The following VAV3 variants were observed in gnomAD, a reference collection of about 807,000 sequenced individuals.
The protein encoded by VAV3 is vav guanine nucleotide exchange factor 3, also known as guanine nucleotide exchange factor VAV3.
A neutral mutation model predicts 131.2 loss-of-function variants in VAV3; 94 were observed. The observed-to-expected ratio is 0.72, with a 90% confidence interval of 0.61 to 0.85. The LOEUF (loss-of-function observed/expected upper bound fraction) is 0.85, where lower values mean the gene tolerates loss of function less well. Ranked by LOEUF, VAV3 falls within the 40% of genes least tolerant of loss-of-function variation. The pLI is 0.00. For missense variants in VAV3, 939 were observed against 1,002.7 expected (o/e 0.94, Z 0.86); for synonymous variants, 349 against 342.0 (o/e 1.02, Z -0.22).
chr1:107,650,616 A>G (rs955846849), intron 19 of VAV3, among the ~76,000 whole-genome samples: 1 of 150,952 alleles, frequency 6.6e-6, no homozygotes, highest in Admixed American at 6.6e-5. Context: ...TGTGCAGGTT[A>G]GTTACATATG....
chr1:107,681,804 C>T (rs1316227263), intron 19 of VAV3, among the ~76,000 whole-genome samples: 1 of 152,032 alleles, frequency 6.6e-6, no homozygotes, highest in Non-Finnish European at 1.5e-5. Flanking sequence ...CAGGCACCCG[C>T]CACCACCCCC....
intron 19 of VAV3, among the ~76,000 whole-genome samples, chr1:107,654,615 T>C (rs147313429): frequency 8.5e-4 from 129 of 152,192 alleles, no homozygotes; most frequent in African/African-American, 3.0e-3. Context: ...TCCTTCCTTT[T>C]TCCCTCACTT....
At chr1:107,930,595 G>T (rs555601927) in intron 1 of VAV3, among the ~76,000 whole-genome samples, 33 of 152,006 alleles carry the variant, frequency 2.2e-4, no homozygotes, top group Non-Finnish European at 3.7e-4. Flanking sequence ...CTTTACAAAA[G>T]AATTCCAGTC....
At chr1:107,920,097 C>G (rs1455138609) in intron 1 of VAV3, among the ~76,000 whole-genome samples, 2 of 152,170 alleles carry the variant, frequency 1.3e-5, no homozygotes, top group Admixed American at 1.3e-4. Context: ...TTCAACCACA[C>G]AGGAAACAGT....
rs558440664 is a variant in VAV3 at position 107,602,340 on chromosome 1, C to T, written c.2220+57G>A. 1.6e-5 allele frequency: 20 copies of T among 1,270,438 alleles called. No individual in the cohort carries two copies. The South Asian group carries it at 2.8e-4, about 18-fold the overall frequency. The allele number at this position is 1,270,438 out of a possible 1,614,324, so 78.7% of individuals were successfully genotyped here. A position where few individuals can be genotyped will look rare whatever the true frequency, so the allele number is the denominator to read the frequency against. On this transcript the variant is annotated intron_variant, in intron 24 of 26. Coordinates refer to ENST00000370056, the MANE Select transcript of VAV3 (RefSeq NM_006113.5). ...CAAGAAACTATAGAATTAAAATGAC[C>T]TTTCTAACAAAAGAAAAATAAGGAT...
intron 4 of VAV3, among the ~76,000 whole-genome samples, chr1:107,775,986 C>T (rs987617857): frequency 6.6e-6 from 1 of 152,170 alleles, no homozygotes; most frequent in Non-Finnish European, 1.5e-5. Context: ...CCAAAGACTA[C>T]AATTTACTAG....
At chr1:107,840,664 G>C (rs1668661291) in intron 2 of VAV3, among the ~76,000 whole-genome samples, 1 of 152,104 alleles carries the variant, frequency 6.6e-6, no homozygotes, top group Non-Finnish European at 1.5e-5. Flanking sequence ...AGCAACAAAA[G>C]TTAAGTCAGG....
chr1:107,808,007 G>A (rs895575867), intron 2 of VAV3, among the ~76,000 whole-genome samples: 4 of 151,938 alleles, frequency 2.6e-5, no homozygotes, highest in South Asian at 2.1e-4. Flanking sequence ...TAATAATTGC[G>A]GCTATTTTCA....
intron 15 of VAV3, among the ~76,000 whole-genome samples, chr1:107,745,712 C>G (rs981585358): frequency 1.3e-5 from 2 of 152,156 alleles, no homozygotes; most frequent in Non-Finnish European, 2.9e-5. Flanking sequence ...AGTGCCTTAA[C>G]AGTGATTTGC....
Position 107,923,893 on chromosome 1 carries a change from A to G in VAV3, c.204+40773T>C, listed in dbSNP as rs547055624. ...TGTAAGGACACAATGAGAAGGTGCC[A>G]TCTATAAATCAGGAAACAGGCCCTT... On this transcript the variant is annotated intron_variant, in intron 1 of 26. Coordinates refer to ENST00000370056, the MANE Select transcript of VAV3 (RefSeq NM_006113.5). Among the ~76,000 whole-genome samples, 160 of 152,304 alleles carry G rather than the reference A, an allele frequency of 1.1e-3. 1 individual carries two copies. The highest frequency in any genetic ancestry group is 2.3e-3 in the South Asian group (11 of 4,824).
chr1:107,661,145 T>C (rs557842111), intron 19 of VAV3, among the ~76,000 whole-genome samples: 2 of 152,208 alleles, frequency 1.3e-5, no homozygotes, highest in Non-Finnish European at 2.9e-5. Flanking sequence ...AAACTTTATG[T>C]AGTTAACTTT....
At chr1:107,823,113 C>T (rs1001354629) in intron 2 of VAV3, among the ~76,000 whole-genome samples, 5 of 151,994 alleles carry the variant, frequency 3.3e-5, no homozygotes, top group Non-Finnish European at 4.4e-5. Context: ...GATGAGAAAG[C>T]GCTTCAAAGT....
chr1:107,576,619 A>G (rs564347019), intron 25 of VAV3: 2 of 708,032 alleles, frequency 2.8e-6, no homozygotes, highest in Admixed American at 7.1e-5. Flanking sequence ...TTGATAGACA[A>G]TAGTATTTTG....
intron 1 of VAV3, among the ~76,000 whole-genome samples, chr1:107,947,022 G>A (rs188591343): frequency 7.2e-5 from 11 of 152,286 alleles, no homozygotes; most frequent in Non-Finnish European, 2.9e-5. Context: ...GAACCCAGAG[G>A]GAAAAGAGCC....
chr1:107,874,771 A>T, intron 2 of VAV3, 130 bp downstream of exon 2: 1 of 733,288 alleles, frequency 1.4e-6, no homozygotes, highest in Non-Finnish European at 2.2e-6. Context: ...TAAGCCATCT[A>T]CATGTGAAAT....
chr1:107,898,222 G>A (rs1292364818), intron 1 of VAV3, among the ~76,000 whole-genome samples: 6 of 152,092 alleles, frequency 3.9e-5, no homozygotes, highest in Non-Finnish European at 7.4e-5. Flanking sequence ...TACATGTAGG[G>A]AATTACACAC....
intron 25 of VAV3, among the ~76,000 whole-genome samples, chr1:107,593,687 T>G (rs1354614786): frequency 6.6e-6 from 1 of 152,082 alleles, no homozygotes; most frequent in Non-Finnish European, 1.5e-5. Context: ...CTGGGATGTA[T>G]AAAATGCATA....
intron 2 of VAV3, among the ~76,000 whole-genome samples, chr1:107,839,565 T>A (rs1211199327): frequency 1.3e-5 from 2 of 151,994 alleles, no homozygotes; most frequent in Non-Finnish European, 2.9e-5. Flanking sequence ...AATGCATATA[T>A]TAAACCAGAA....
At chr1:107,637,792 T>C (rs536691755) in intron 20 of VAV3, among the ~76,000 whole-genome samples, 1 of 152,306 alleles carries the variant, frequency 6.6e-6, no homozygotes, top group South Asian at 2.1e-4. Flanking sequence ...TCCCAATTCA[T>C]TCCTTGAACA....
Sources: gnomAD v4.1 joint callset for allele counts (sites outside exome capture counted in the v4.1 genomes callset) on GRCh38, gnomAD v4.1.1 for gene constraint, MANE v1.5 for transcripts, NCBI Gene and HGNC (gene_info 2026-07-23, HGNC 2026-07-21) for gene names.